The following EPHB1 variants were observed in gnomAD, a reference collection of about 807,000 sequenced individuals.
EPHB1 encodes ephrin type-B receptor 1.
Under a neutral mutation model 94.4 loss-of-function variants are expected in EPHB1, and 30 were observed. The observed-to-expected ratio is 0.32, with a 90% confidence interval of 0.24 to 0.43. The LOEUF is 0.43. Among genes scored for constraint, EPHB1 ranks in the 20% least tolerant of loss-of-function variants. The pLI, the probability that EPHB1 is intolerant of heterozygous loss-of-function variation, is 1.00. For missense variants in EPHB1, 1,055 were observed against 1,308.3 expected, an observed-to-expected ratio of 0.81 and a Z score of 2.99; for synonymous variants, 522 against 489.1, an observed-to-expected ratio of 1.07 and a Z score of -0.89.
At chr3:134,976,685 A>T (rs1487406514) in intron 3 of EPHB1, among the ~76,000 whole-genome samples, 2 of 152,130 alleles carry the variant, frequency 1.3e-5, no homozygotes, top group Non-Finnish European at 2.9e-5. Context: ...ATATTCTTCC[A>T]TAAACAACCT....
At chr3:135,176,060 T>G (rs1441392949) in intron 9 of EPHB1, among the ~76,000 whole-genome samples, 2 of 152,142 alleles carry the variant, frequency 1.3e-5, no homozygotes. Flanking sequence ...CCTCATCATC[T>G]TCTAAGATTT....
intron 1 of EPHB1, among the ~76,000 whole-genome samples, chr3:134,875,996 T>C (rs2037608744): frequency 1.3e-5 from 2 of 152,296 alleles, no homozygotes; most frequent in South Asian, 4.1e-4. Context: ...ATAATTCAGC[T>C]TTCGCATGGG....
chr3:134,969,751 G>C (rs959478791), intron 3 of EPHB1, among the ~76,000 whole-genome samples: 1 of 152,088 alleles, frequency 6.6e-6, no homozygotes, highest in African/African-American at 2.4e-5. Flanking sequence ...TAAGGTGTTG[G>C]ATGCACATGA....
At chr3:134,847,242 G>A (rs888834955) in intron 1 of EPHB1, among the ~76,000 whole-genome samples, 7 of 152,096 alleles carry the variant, frequency 4.6e-5, no homozygotes, top group South Asian at 2.1e-4. Flanking sequence ...AGGGCAAGGC[G>A]GGGCTCCACC....
chr3:134,832,019 A>G (rs2036590814), intron 1 of EPHB1, among the ~76,000 whole-genome samples: 1 of 152,258 alleles, frequency 6.6e-6, no homozygotes, highest in Non-Finnish European at 1.5e-5. Flanking sequence ...GTTGCTGGAT[A>G]AAATACAGGA....
At chr3:134,976,992 T>A (rs1162510412) in intron 3 of EPHB1, among the ~76,000 whole-genome samples, 1 of 152,180 alleles carries the variant, frequency 6.6e-6, no homozygotes, top group African/African-American at 2.4e-5. Flanking sequence ...TATTTGACAA[T>A]TTTACTTCAA....
intron 15 of EPHB1, among the ~76,000 whole-genome samples, chr3:135,252,567 A>G (rs1403808055): frequency 1.3e-5 from 2 of 149,150 alleles, no homozygotes; most frequent in Non-Finnish European, 3.0e-5. Context: ...ATGGCTGCAT[A>G]GTATTCCACG....
At chr3:134,981,510 C>A (rs1208184607) in intron 3 of EPHB1, among the ~76,000 whole-genome samples, 1 of 152,182 alleles carries the variant, frequency 6.6e-6, no homozygotes, top group African/African-American at 2.4e-5. Flanking sequence ...AAATTATGGT[C>A]TAATCCCACC....
chr3:135,106,851 C>T (rs540043755), intron 4 of EPHB1, among the ~76,000 whole-genome samples: 1 of 152,210 alleles, frequency 6.6e-6, no homozygotes, highest in East Asian at 1.9e-4. Context: ...CTTCTCCCAC[C>T]CCAGCAAGAT....
intron 1 of EPHB1, among the ~76,000 whole-genome samples, chr3:134,871,357 AGGCTGG>A (rs2037495233): frequency 6.6e-6 from 1 of 152,096 alleles, no homozygotes; most frequent in Admixed American, 6.5e-5. Context: ...CTGATTCTCT[AGGCTGG>A]GAGGGCACCT....
At chr3:134,852,613 A>G (rs2037012423) in intron 1 of EPHB1, 2 of 152,288 alleles carry the variant, frequency 1.3e-5, no homozygotes, top group South Asian at 4.1e-4. Flanking sequence ...GTAAAGTCAC[A>G]TTCCTCTGAC....
At chr3:134,949,772 T>C (rs1932946537) in intron 2 of EPHB1, among the ~76,000 whole-genome samples, 1 of 152,204 alleles carries the variant, frequency 6.6e-6, no homozygotes. Context: ...TTTAAATTTA[T>C]TCCTGGAAAT....
At chr3:134,923,037 C>T (rs1381756313) in intron 1 of EPHB1, among the ~76,000 whole-genome samples, 1 of 152,054 alleles carries the variant, frequency 6.6e-6, no homozygotes. Context: ...TCATGATGAT[C>T]ATTATTAGTG....
At chr3:134,827,895 T>A in intron 1 of EPHB1, among the ~76,000 whole-genome samples, 1 of 152,204 alleles carries the variant, frequency 6.6e-6, no homozygotes, top group East Asian at 1.9e-4. Flanking sequence ...CCTCTCTGCC[T>A]GGCATCCTCA....
intron 3 of EPHB1, among the ~76,000 whole-genome samples, chr3:134,996,217 AG>A (rs1237282512): frequency 3.3e-5 from 5 of 152,170 alleles, no homozygotes; most frequent in Non-Finnish European, 7.3e-5. Flanking sequence ...ATTTGAAAAC[AG>A]GGTATCACTC....
At chr3:135,237,091 G>C (rs1943674251) in intron 12 of EPHB1, among the ~76,000 whole-genome samples, 1 of 152,132 alleles carries the variant, frequency 6.6e-6, no homozygotes, top group Non-Finnish European at 1.5e-5. Context: ...GACAGAATGG[G>C]TGCTGCATAG....
intron 1 of EPHB1, among the ~76,000 whole-genome samples, chr3:134,913,906 T>C (rs77180448): frequency 0.017 from 2,553 of 152,354 alleles, 75 homozygotes; most frequent in African/African-American, 0.058. Flanking sequence ...CTTGGTGACC[T>C]ACATTGCTTT....
chr3:135,035,953 G>A (rs1231290928), intron 3 of EPHB1, among the ~76,000 whole-genome samples: 1 of 152,190 alleles, frequency 6.6e-6, no homozygotes, highest in Non-Finnish European at 1.5e-5. Context: ...GAAGAAAAGA[G>A]GGGCATAAGT....
chr3:134,814,471 G>A (rs1000610301), intron 1 of EPHB1, among the ~76,000 whole-genome samples: 3 of 152,126 alleles, frequency 2.0e-5, no homozygotes, highest in African/African-American at 7.2e-5. Flanking sequence ...GGAGGTCAGG[G>A]GACAGTTAGT....
Sources: allele counts gnomAD v4.1 joint callset (sites outside exome capture counted in the v4.1 genomes callset), GRCh38; gene constraint gnomAD v4.1.1; transcripts MANE v1.5; gene names NCBI Gene and HGNC (gene_info 2026-07-23, HGNC 2026-07-21).